Variants in CSMD1 observed in about 807,000 individuals in gnomAD.
The protein encoded by CSMD1 is CUB and sushi domain-containing protein 1.
A neutral mutation model predicts 417.5 loss-of-function variants in CSMD1; 213 were observed. That is an observed-to-expected ratio of 0.51 (90% CI 0.46 to 0.57). The LOEUF (loss-of-function observed/expected upper bound fraction) is 0.57, where lower values mean the gene tolerates loss of function less well. Among genes scored for constraint, CSMD1 ranks in the 20% least tolerant of loss-of-function variants. The pLI, the probability that CSMD1 is intolerant of heterozygous loss-of-function variation, is 0.00. For missense variants in CSMD1, 6,923 were observed against 4,529.7 expected, an observed-to-expected ratio of 1.53 and a Z score of -15.17; for synonymous variants, 2,862 against 1,736.8, an observed-to-expected ratio of 1.65 and a Z score of -16.11.
rs566268588 is a variant in CSMD1, at chr8:4,858,114, G to A, written c.85+136218C>T. ...GGGATGCAAGGCTGGTTCAATATACGCAAATCAATAAATGTAATCCAGCAT... is the reference window on the plus strand; with the variant it reads ...GGGATGCAAGGCTGGTTCAATATACACAAATCAATAAATGTAATCCAGCAT... On this transcript the variant is annotated intron_variant, in intron 1 of 69. Coordinates refer to ENST00000635120, the MANE Select transcript of CSMD1 (RefSeq NM_033225.6). Among the ~76,000 whole-genome samples, 160 of 151,352 alleles carry A rather than the reference G, an allele frequency of 1.1e-3. 1 individual carries two copies. The East Asian group carries it at 0.023, about 22-fold the overall frequency.
intron 10 of CSMD1, among the ~76,000 whole-genome samples, chr8:3,503,065 A>G (rs1211710091): frequency 6.6e-6 from 1 of 152,188 alleles, no homozygotes; most frequent in Non-Finnish European, 1.5e-5. Flanking sequence ...AAAACCTAAT[A>G]AATTAACAAA....
At chr8:3,713,005 C>G (rs553559723) in intron 6 of CSMD1, among the ~76,000 whole-genome samples, 1 of 151,802 alleles carries the variant, frequency 6.6e-6, no homozygotes, top group Admixed American at 6.6e-5. Context: ...GTTTTCTCAT[C>G]GCAAACCAAG....
intron 23 of CSMD1, among the ~76,000 whole-genome samples, chr8:3,333,902 A>G (rs1214689677): frequency 6.6e-6 from 1 of 152,186 alleles, no homozygotes; most frequent in Non-Finnish European, 1.5e-5. Flanking sequence ...GAAATCTGTG[A>G]GTGTCTTTAT....
intron 2 of CSMD1, among the ~76,000 whole-genome samples, chr8:4,576,205 A>C (rs1469166708): frequency 6.6e-6 from 1 of 152,022 alleles, no homozygotes; most frequent in Non-Finnish European, 1.5e-5. Context: ...AGGCTACACT[A>C]CTCCAGTCCC....
intron 3 of CSMD1, among the ~76,000 whole-genome samples, chr8:4,300,934 T>C (rs1353697823): frequency 6.6e-6 from 1 of 152,180 alleles, no homozygotes; most frequent in Admixed American, 6.6e-5. Flanking sequence ...CAGACTATCG[T>C]TGTTGGACAT....
At chr8:4,096,331 GA>G (rs1801007928) in intron 3 of CSMD1, among the ~76,000 whole-genome samples, 1 of 151,560 alleles carries the variant, frequency 6.6e-6, no homozygotes, top group African/African-American at 2.4e-5. Context: ...AAACAACCCA[GA>G]AATAGGACAG....
intron 37 of CSMD1, among the ~76,000 whole-genome samples, chr8:3,168,786 C>G (rs1037894351): frequency 2.0e-5 from 3 of 151,398 alleles, no homozygotes; most frequent in Non-Finnish European, 4.4e-5. Context: ...AAACTGTTGG[C>G]AGGTTTGACA....
chr8:3,327,490 C>T (rs1341468494), intron 23 of CSMD1, among the ~76,000 whole-genome samples: 2 of 152,188 alleles, frequency 1.3e-5, no homozygotes, highest in African/African-American at 4.8e-5. Context: ...TAATTTTCCT[C>T]TTAACATACA....
intron 60 of CSMD1, among the ~76,000 whole-genome samples, chr8:2,962,878 T>C (rs924733084): frequency 2.0e-5 from 3 of 152,172 alleles, no homozygotes; most frequent in Non-Finnish European, 4.4e-5. Context: ...GCGAAACCTA[T>C]GTCTACAACA....
chr8:3,270,367 T>C (rs1801750329), intron 26 of CSMD1, among the ~76,000 whole-genome samples: 1 of 152,190 alleles, frequency 6.6e-6, no homozygotes, highest in Non-Finnish European at 1.5e-5. Context: ...TTCCATCCTC[T>C]TACTAGACAG....
intron 20 of CSMD1, among the ~76,000 whole-genome samples, chr8:3,366,697 A>T (rs765414355): frequency 9.2e-5 from 14 of 152,146 alleles, no homozygotes; most frequent in Non-Finnish European, 1.5e-5. Flanking sequence ...GCCTCCCAAT[A>T]AAGGAACTTT....
chr8:3,974,383 G>T (rs1043352844), intron 5 of CSMD1, among the ~76,000 whole-genome samples: 1 of 151,894 alleles, frequency 6.6e-6, no homozygotes, highest in African/African-American at 2.4e-5. Flanking sequence ...TTAAAAGAAG[G>T]AGGAAATTAA....
chr8:4,353,835 G>T (rs753648322), intron 3 of CSMD1, among the ~76,000 whole-genome samples: 1 of 152,140 alleles, frequency 6.6e-6, no homozygotes, highest in South Asian at 2.1e-4. Context: ...TCTCTCCTCA[G>T]TGACCCGCAC....
intron 3 of CSMD1, among the ~76,000 whole-genome samples, chr8:4,164,115 A>T (rs1223698258): frequency 1.7e-5 from 1 of 57,236 alleles, no homozygotes; most frequent in Non-Finnish European, 3.8e-5. Context: ...GAATACTTTT[A>T]AATTTTATTA....
At chr8:3,197,499 T>C (rs71502914) in intron 33 of CSMD1, among the ~76,000 whole-genome samples, 15,200 of 149,382 alleles carry the variant, frequency 0.1, 967 homozygotes, top group Non-Finnish European at 0.14. Context: ...GGAGTCTCGC[T>C]CTGTCACCCA....
intron 1 of CSMD1, among the ~76,000 whole-genome samples, chr8:4,961,809 G>A (rs968792209): frequency 2.0e-5 from 3 of 152,056 alleles, no homozygotes; most frequent in Non-Finnish European, 1.5e-5. Flanking sequence ...GACAAATACT[G>A]CTAATCTACT....
At chr8:3,980,597 T>C (rs929450422) in intron 5 of CSMD1, among the ~76,000 whole-genome samples, 1 of 152,240 alleles carries the variant, frequency 6.6e-6, no homozygotes, top group African/African-American at 2.4e-5. Context: ...CTTGTTAATT[T>C]GTTTTTTATG....
chr8:3,636,886 T>TCG, intron 7 of CSMD1, among the ~76,000 whole-genome samples: 1 of 152,168 alleles, frequency 6.6e-6, no homozygotes, highest in Admixed American at 6.6e-5. Context: ...TTTGTTGCCA[T>TCG]TGTGAGGTAA....
At chr8:3,283,056 G>A (rs1802858569) in intron 26 of CSMD1, among the ~76,000 whole-genome samples, 1 of 152,152 alleles carries the variant, frequency 6.6e-6, no homozygotes, top group Admixed American at 6.5e-5. Context: ...CATCAAAAAT[G>A]GGCTAGACAG....
Sources: gnomAD v4.1 joint callset for allele counts (sites outside exome capture counted in the v4.1 genomes callset) on GRCh38, gnomAD v4.1.1 for gene constraint, MANE v1.5 for transcripts, NCBI Gene and HGNC (gene_info 2026-07-23, HGNC 2026-07-21) for gene names.